Variants in PCDHGB3 observed in about 807,000 individuals in gnomAD.
The protein encoded by PCDHGB3 is protocadherin gamma subfamily B, 3, also known as protocadherin gamma-B3.
In PCDHGB3, 40 loss-of-function variants were observed where a neutral mutation model predicts 59.2. The ratio of observed to expected loss-of-function variants is 0.68; its 90% confidence interval spans 0.52 to 0.88. The LOEUF (loss-of-function observed/expected upper bound fraction) is 0.88. PCDHGB3 is among the 40% of genes least tolerant of loss of function. PCDHGB3 has a pLI of 0.00. For missense variants in PCDHGB3, 1,309 were observed against 1,187.9 expected (o/e 1.10, Z -1.50); for synonymous variants, 581 against 503.6 (o/e 1.15, Z -2.06).
chr5:141,457,471 C>T (rs1478580665), intron 1 of PCDHGB3, among the ~76,000 whole-genome samples: 1 of 152,182 alleles, frequency 6.6e-6, no homozygotes, highest in African/African-American at 2.4e-5. Context: ...CAGGAATAAG[C>T]AGGGCCAGGG....
intron 1 of PCDHGB3, chr5:141,374,138 C>G: frequency 6.2e-7 from 1 of 1,608,824 alleles, no homozygotes; most frequent in Non-Finnish European, 8.5e-7. Context: ...GCTCCTCACG[C>G]TCCTGGGGAC....
Position 141,431,674 on chromosome 5 carries a change from G to T in PCDHGB3, c.2415+58865G>T. 6.2e-7 allele frequency: 1 copy of T among 1,614,234 alleles called. No homozygotes were observed. ...ATTCAGGGACAATATCAACAATAGG[G>T]GAGTTGGACCACGAGGAGTCAGGAT... is the stretch of plus-strand genomic sequence containing the variant. On this transcript the variant is annotated intron_variant, in intron 1 of 3. Transcript: ENST00000576222. This position sits in a 1 kb window ranked among gnomAD's most constrained non-coding sequence, Gnocchi z 4.8.
intron 1 of PCDHGB3, chr5:141,398,973 C>T: frequency 6.2e-7 from 1 of 1,613,952 alleles, no homozygotes; most frequent in Non-Finnish European, 8.5e-7. Context: ...ATTCCTTCTA[C>T]AGAACCGGGC....
At chr5:141,480,584 G>A (rs1421730652) in intron 1 of PCDHGB3, among the ~76,000 whole-genome samples, 1 of 134,606 alleles carries the variant, frequency 7.4e-6, no homozygotes, top group Non-Finnish European at 1.6e-5. Context: ...AATAACTGCC[G>A]CTCTTCTGGT....
chr5:141,377,234 A>G (rs930126053), intron 1 of PCDHGB3: 14 of 152,160 alleles, frequency 9.2e-5, no homozygotes, highest in African/African-American at 3.1e-4. Flanking sequence ...TTTTCCTACT[A>G]TGTGACATTT....
At chr5:141,407,243 C>G (rs1191688729) in intron 1 of PCDHGB3, among the ~76,000 whole-genome samples, 1 of 152,168 alleles carries the variant, frequency 6.6e-6, no homozygotes, top group African/African-American at 2.4e-5. Context: ...AAGCATACTT[C>G]AGGCTCATAT....
chr5:141,433,047 C>T (rs1561867159), intron 1 of PCDHGB3: 1 of 1,614,046 alleles, frequency 6.2e-7, no homozygotes, highest in African/African-American at 1.3e-5. Flanking sequence ...ACCACGGACT[C>T]GCGGAAGAGT....
chr5:141,494,898 T>C, intron 2 of PCDHGB3, 33 bp downstream of exon 2: 1 of 1,614,074 alleles, frequency 6.2e-7, no homozygotes, highest in Non-Finnish European at 8.5e-7. Flanking sequence ...CACCCTCTTC[T>C]CTGCGGCATT....
At chr5:141,392,879 G>A in intron 1 of PCDHGB3, 2 of 1,613,512 alleles carry the variant, frequency 1.2e-6, no homozygotes, top group South Asian at 1.1e-5. Flanking sequence ...TGCTGGGAAC[G>A]CTGTGGGAAA....
At position 141,489,295 on chromosome 5, in the gene PCDHGB3, T is replaced by C. The variant is rs2099685128; in HGVS notation, c.2416-5512T>C. 1.3e-6 allele frequency: 2 copies of C among 1,581,054 alleles called. No individual in the cohort carries two copies. The highest frequency in any genetic ancestry group is 1.7e-5 in the Admixed American group (1 of 57,148). ...TGGGAAATGGCAAGTGCTGTGCATG[T>C]TGTCCTTGTGCTGCTGGGGCTGGGT... On this transcript the variant is annotated intron_variant, in intron 1 of 3. Transcript: ENST00000576222. The surrounding 1 kb of genome is among the most constrained non-coding windows in gnomAD (Gnocchi z 4.5).
chr5:141,489,723 T>C lies in PCDHGB3; in HGVS notation c.2416-5084T>C, dbSNP rs900332220. ...CACTGGACAGTGCCCAGGATCCGGA[T>C]GTGGGCACCAATACTGTGAGCTTTT... On this transcript the variant is annotated intron_variant, in intron 1 of 3. Coordinates refer to ENST00000576222, the MANE Select transcript of PCDHGB3 (RefSeq NM_018924.5). This position sits in a 1 kb window ranked among gnomAD's most constrained non-coding sequence, Gnocchi z 4.5. 4.3e-6 allele frequency: 7 copies of C among 1,613,958 alleles called. No homozygotes were observed. The highest frequency in any genetic ancestry group is 5.9e-6 in the Non-Finnish European group (7 of 1,179,940).
At chr5:141,399,217 T>G in intron 1 of PCDHGB3, 2 of 1,613,972 alleles carry the variant, frequency 1.2e-6, no homozygotes, top group Non-Finnish European at 1.7e-6. Flanking sequence ...ACTAATTGCT[T>G]TGATCAAAAT....
chr5:141,415,739 GGTTTTTT>G lies in PCDHGB3; in HGVS notation c.2415+42931_2415+42937del. 7.6e-5 allele frequency: 33 copies of G among 434,894 alleles called. No homozygotes were observed. In the African/African-American group the frequency reaches 8.5e-4, roughly 11 times the overall value. The allele number at this position is 434,894 out of a possible 1,614,324, so 26.9% of individuals were successfully genotyped here. A position where few individuals can be genotyped will look rare whatever the true frequency, so the allele number is the denominator to read the frequency against. On this transcript the variant is annotated intron_variant, in intron 1 of 3. Transcript: ENST00000576222. ...ATGAGTAGAATTTGATGTTTATTAA[GGTTTTTT>G]TTTTTTTTTTTTTTTTTTTTTTTTT...
chr5:141,443,561 C>T (rs1487096752), intron 1 of PCDHGB3, among the ~76,000 whole-genome samples: 3 of 152,118 alleles, frequency 2.0e-5, no homozygotes, highest in Non-Finnish European at 1.5e-5. Context: ...AATTCAAATG[C>T]TTTAAATGGA....
intron 1 of PCDHGB3, among the ~76,000 whole-genome samples, chr5:141,466,292 T>C (rs1050311680): frequency 3.3e-5 from 5 of 152,134 alleles, no homozygotes; most frequent in Non-Finnish European, 5.9e-5. Context: ...CACCTCAGGC[T>C]CCCAAGTAGC....
intron 1 of PCDHGB3, among the ~76,000 whole-genome samples, chr5:141,425,919 GA>G (rs2096903434): frequency 6.6e-6 from 1 of 152,056 alleles, no homozygotes; most frequent in African/African-American, 2.4e-5. Flanking sequence ...CAGTCACTAC[GA>G]AAACTCATAA....
At chr5:141,398,829 C>A in intron 1 of PCDHGB3, 2 of 1,613,994 alleles carry the variant, frequency 1.2e-6, no homozygotes, top group East Asian at 2.2e-5. Flanking sequence ...AGGTAACCGA[C>A]GCCAATGATA....
In PCDHGB3 at chr5:141,491,736, G is replaced by T; in HGVS notation, c.2416-3071G>T. The T allele has an allele frequency of 6.2e-7, 1 of 1,600,560 alleles. No individual in the cohort carries two copies. Among genetic ancestry groups the T allele is most frequent in the Non-Finnish European group, 8.5e-7 (1 of 1,174,270 alleles). ...CGGCGCCGCCCCGGGCGACCCCTGG[G>T]GGCGGCACTGGAGAAGCCGCCCGTC... On this transcript the variant is annotated intron_variant, in intron 1 of 3. Coordinates refer to ENST00000576222, the MANE Select transcript of PCDHGB3 (RefSeq NM_018924.5). This position sits in a 1 kb window ranked among gnomAD's most constrained non-coding sequence, Gnocchi z 6.9.
chr5:141,379,520 C>T (rs1262594059), intron 1 of PCDHGB3: 1 of 152,194 alleles, frequency 6.6e-6, no homozygotes, highest in East Asian at 1.9e-4. Context: ...ACATCTTGAG[C>T]ATTTGTTGTT....
Sources: gnomAD v4.1 joint callset for allele counts (sites outside exome capture counted in the v4.1 genomes callset) on GRCh38, gnomAD v4.1.1 for gene constraint, Gnocchi (gnomAD v3.1) non-coding constraint, MANE v1.5 for transcripts, NCBI Gene and HGNC (gene_info 2026-07-23, HGNC 2026-07-21) for gene names.